The following DNAH6 variants were observed in gnomAD, a reference collection of about 807,000 sequenced individuals.
The protein encoded by DNAH6 is axonemal beta dynein heavy chain 6.
Under a neutral mutation model 491.4 loss-of-function variants are expected in DNAH6, and 340 were observed. That is an observed-to-expected ratio of 0.69 (90% CI 0.63 to 0.76). The LOEUF is 0.76. DNAH6 is among the 30% of genes least tolerant of loss of function. The pLI, the probability that DNAH6 is intolerant of heterozygous loss-of-function variation, is 0.00. For missense variants in DNAH6, 4,443 were observed against 4,972.2 expected, an observed-to-expected ratio of 0.89 and a Z score of 3.20; for synonymous variants, 1,603 against 1,686.1, an observed-to-expected ratio of 0.95 and a Z score of 1.21.
intron 76 of DNAH6, among the ~76,000 whole-genome samples, chr2:84,818,858 G>A (rs1680756318): frequency 6.6e-6 from 1 of 152,204 alleles, no homozygotes; most frequent in Non-Finnish European, 1.5e-5. Flanking sequence ...CGGATCATTT[G>A]AGGCCAAGAG....
At chr2:84,737,341 T>C (rs1699605042) in intron 62 of DNAH6, among the ~76,000 whole-genome samples, 1 of 152,100 alleles carries the variant, frequency 6.6e-6, no homozygotes, top group Non-Finnish European at 1.5e-5. Context: ...GCTAACTTCA[T>C]AGAATGAGAT....
intron 63 of DNAH6, among the ~76,000 whole-genome samples, chr2:84,762,153 A>G (rs1162362980): frequency 6.6e-6 from 1 of 152,142 alleles, no homozygotes; most frequent in East Asian, 1.9e-4. Context: ...GGGCGTAATC[A>G]TCAAGGCTGA....
chr2:84,637,512 G>T (rs1688997256), intron 31 of DNAH6, 135 bp downstream of exon 31: 3 of 1,012,058 alleles, frequency 3.0e-6, no homozygotes, highest in African/African-American at 1.6e-5. Flanking sequence ...AGATATGATT[G>T]TTATCACATG....
chr2:84,690,588 G>A (rs1040175400), intron 45 of DNAH6, among the ~76,000 whole-genome samples: 1 of 152,188 alleles, frequency 6.6e-6, no homozygotes, highest in Non-Finnish European at 1.5e-5. Flanking sequence ...AGAATTACCA[G>A]GCCCCTCAAG....
intron 53 of DNAH6, 111 bp from the exon 54 acceptor site, chr2:84,707,409 A>T (rs768836535): frequency 9.0e-6 from 9 of 1,004,570 alleles, no homozygotes; most frequent in South Asian, 1.9e-5. Flanking sequence ...ATGTATTGAC[A>T]TCATTAGCTA....
intron 18 of DNAH6, among the ~76,000 whole-genome samples, chr2:84,596,537 G>T (rs1435038449): frequency 1.3e-5 from 2 of 151,978 alleles, no homozygotes; most frequent in Non-Finnish European, 2.9e-5. Context: ...CACTATGTTG[G>T]TCAGGCTGGC....
chr2:84,471,662 A>C, the DNAH6 span, among the ~76,000 whole-genome samples: 1 of 152,144 alleles, frequency 6.6e-6, no homozygotes, highest in Non-Finnish European at 1.5e-5. Context: ...GGGTCCCTCC[A>C]GTCTCCCGTT....
At chr2:84,655,806 A>C (rs929185704) in intron 35 of DNAH6, among the ~76,000 whole-genome samples, 2 of 152,150 alleles carry the variant, frequency 1.3e-5, no homozygotes, top group Non-Finnish European at 2.9e-5. Context: ...ATGGTGAACC[A>C]CTATTGATAC....
In DNAH6 at chr2:84,718,362, T is replaced by C; in HGVS notation, c.9770T>C (p.Ile3257Thr). Residue 3257 changes from isoleucine to threonine, a missense_variant, in exon 59 of 77, where the codon ATT becomes ACT. Physicochemically the swap from Ile to Thr is moderately conservative, Grantham distance 89. Coordinates refer to ENST00000389394, the MANE Select transcript of DNAH6 (RefSeq NM_001370.2). ...EGNILDNEEL[I>T]DTLQDSKITS... ...AATATTCTGGACAATGAAGAACTTATTGACACACTCCAGGATTCAAAGGCA... is the reference window on the plus strand; with the variant it reads ...AATATTCTGGACAATGAAGAACTTACTGACACACTCCAGGATTCAAAGGCA... The C allele has an allele frequency of 6.5e-7, 1 of 1,540,346 alleles. No homozygotes were observed. The highest frequency in any genetic ancestry group is 8.7e-7 in the Non-Finnish European group (1 of 1,143,988).
chr2:84,657,266 A>G (rs1369055240), intron 35 of DNAH6, among the ~76,000 whole-genome samples: 3 of 151,984 alleles, frequency 2.0e-5, no homozygotes, highest in Non-Finnish European at 4.4e-5. Context: ...GGGTAGTGTC[A>G]GTTTTTCAAC....
At chr2:84,784,183 C>T (rs1676960348) in intron 65 of DNAH6, among the ~76,000 whole-genome samples, 1 of 152,174 alleles carries the variant, frequency 6.6e-6, no homozygotes. Flanking sequence ...TTCTTGGGTC[C>T]TCTGTCCATA....
intron 22 of DNAH6, among the ~76,000 whole-genome samples, chr2:84,612,363 A>C (rs1393092967): frequency 6.6e-6 from 1 of 152,048 alleles, no homozygotes; most frequent in Non-Finnish European, 1.5e-5. Context: ...ATTTCTGTGG[A>C]TGTGGAATCA....
In DNAH6 at chr2:84,621,557, A is replaced by G. The variant is rs1157844790; in HGVS notation, c.4071+6A>G. 1 of 1,489,818 alleles carries G rather than the reference A, an allele frequency of 6.7e-7. No homozygotes were observed. The highest frequency in any genetic ancestry group is 9.1e-7 in the Non-Finnish European group (1 of 1,097,566). 92.3% of individuals were successfully genotyped at this position (1,489,818 alleles called of 1,614,324 possible). A position where few individuals can be genotyped will look rare whatever the true frequency, so the allele number is the denominator to read the frequency against. On this transcript the variant is annotated splice_donor_region_variant and intron_variant, in intron 26 of 76. Transcript: ENST00000389394. ...TTGAAAAAGTAAATTTTGAGGTGAG[A>G]TCTGTAACAAAGTGACATTGTTGTC...
chr2:84,765,534 CGT>C (rs2105149574), intron 64 of DNAH6, among the ~76,000 whole-genome samples: 1 of 151,822 alleles, frequency 6.6e-6, no homozygotes, highest in East Asian at 1.9e-4. Context: ...TAGGAAAATT[CGT>C]GGTTTCATGT....
At chr2:84,479,496 C>T in the DNAH6 span, among the ~76,000 whole-genome samples, 4 of 152,204 alleles carry the variant, frequency 2.6e-5, no homozygotes, top group Non-Finnish European at 5.9e-5. Flanking sequence ...ATAGCCTCTC[C>T]CAAATTACAT....
At chr2:84,511,849 T>G (rs77339190), upstream of DNAH6, among the ~76,000 whole-genome samples, 677 of 152,360 alleles carry the variant, frequency 4.4e-3, 5 homozygotes, top group Non-Finnish European at 4.1e-3. Context: ...TGAAATACTT[T>G]TACATTCCTG....
At chr2:84,696,356 A>G (rs1265306231) in intron 46 of DNAH6, among the ~76,000 whole-genome samples, 2 of 152,006 alleles carry the variant, frequency 1.3e-5, no homozygotes, top group Non-Finnish European at 2.9e-5. Context: ...ACTTTAAAAC[A>G]TTCATATAAA....
chr2:84,630,633 C>A (rs973582131), intron 29 of DNAH6, among the ~76,000 whole-genome samples: 2 of 152,142 alleles, frequency 1.3e-5, no homozygotes, highest in African/African-American at 4.8e-5. Context: ...GACACAGTAA[C>A]CAAATGCAAT....
the DNAH6 span, among the ~76,000 whole-genome samples, chr2:84,462,804 T>C: frequency 1.3e-5 from 2 of 152,168 alleles, no homozygotes; most frequent in Non-Finnish European, 2.9e-5. Flanking sequence ...TCCTAGAGAA[T>C]TGCAATGGCA....
Sources: gnomAD v4.1 joint callset for allele counts (sites outside exome capture counted in the v4.1 genomes callset) on GRCh38, gnomAD v4.1.1 for gene constraint, MANE v1.5 for transcripts, NCBI Gene and HGNC (gene_info 2026-07-23, HGNC 2026-07-21) for gene names.